The following HERC6 variants were observed in gnomAD, a reference collection of about 807,000 sequenced individuals.
HERC6 encodes probable E3 ubiquitin-protein ligase HERC6.
HERC6 carries 101 observed loss-of-function variants against 114.5 expected under a neutral mutation model. The observed-to-expected ratio is 0.88, with a 90% CI of 0.75 to 1.04. HERC6 has a LOEUF of 1.04. HERC6 is among the 50% of genes least tolerant of loss of function. The probability of loss-of-function intolerance (pLI) is 0.00; values close to 1 mark genes in which losing one functional copy is unlikely to be tolerated. For missense variants in HERC6, 1,133 were observed against 1,230.9 expected, an observed-to-expected ratio of 0.92 and a Z score of 1.19; for synonymous variants, 408 against 436.2, an observed-to-expected ratio of 0.94 and a Z score of 0.81.
chr4:88,417,280 G>T (rs1408865763), intron 12 of HERC6, 145 bp from the exon 13 acceptor site: 6 of 804,062 alleles, frequency 7.5e-6, no homozygotes, highest in Non-Finnish European at 1.2e-5. Context: ...TGTTGTGCAG[G>T]ATATACTTAA....
At chr4:88,416,530 A>G (rs565992335) in intron 12 of HERC6, among the ~76,000 whole-genome samples, 302 of 152,090 alleles carry the variant, frequency 2.0e-3, no homozygotes, top group African/African-American at 6.9e-3. Flanking sequence ...ATTTTATTCT[A>G]TGGTTTCTGG....
chr4:88,408,457 C>T, intron 10 of HERC6, 67 bp from the exon 11 acceptor site: 2 of 950,344 alleles, frequency 2.1e-6, no homozygotes, highest in Admixed American at 4.2e-5. Flanking sequence ...CAACAAATGA[C>T]ATACAAACTT....
At chr4:88,417,643 C>G in intron 13 of HERC6, 64 bp downstream of exon 13, 2 of 1,359,652 alleles carry the variant, frequency 1.5e-6, no homozygotes, top group Non-Finnish European at 2.0e-6. Flanking sequence ...TAAGTCTCAA[C>G]CAGTTGGACT....
At chr4:88,424,533 G>C in intron 14 of HERC6, 62 bp from the exon 15 acceptor site, 1 of 1,247,936 alleles carries the variant, frequency 8.0e-7, no homozygotes. Context: ...ATAAGGTAAA[G>C]GAAGTAAGTT....
Position 88,396,846 on chromosome 4 carries a change from T to G in HERC6, c.888-5T>G. ...CTTCATTATGGTGTATTCTCTTTCCTGTAGTTATCACACCCTGGCATATGT... is the reference window on the plus strand; with the variant it reads ...CTTCATTATGGTGTATTCTCTTTCCGGTAGTTATCACACCCTGGCATATGT... On this transcript the variant is annotated splice_region_variant and splice_polypyrimidine_tract_variant and intron_variant, in intron 6 of 22. Transcript: ENST00000264346. The G allele has an allele frequency of 1.9e-6, 3 of 1,565,460 alleles. No individual in the cohort carries two copies. Among genetic ancestry groups the G allele is most frequent in the Non-Finnish European group, 1.7e-6 (2 of 1,152,896 alleles).
intron 11 of HERC6, among the ~76,000 whole-genome samples, 193 bp downstream of exon 11, chr4:88,408,810 A>G (rs961338500): frequency 1.1e-4 from 17 of 152,224 alleles, no homozygotes; most frequent in Admixed American, 6.5e-4. Context: ...GAGGCTGGCC[A>G]TGCCATGTAG....
At position 88,398,187 on chromosome 4, in the gene HERC6, C is replaced by A. The variant is rs1391811991; in HGVS notation, c.1070C>A (p.Ala357Asp). The change falls in exon 8 of 23, where the codon GCC (alanine) becomes GAC (aspartate). Residue 357 changes from alanine to aspartate, a missense_variant. Around this residue, in one of 3 missense-constraint regions of HERC6, gnomAD observed 735 missense variants for 754.0 expected, o/e 0.97. Transcript: ENST00000264346. ...QVKHIFAGTY[A>D]NFVTTHQDTS... ...AAACACATTTTTGCTGGAACATATGCCAACTTTGTGACAACTCATCAGGTA... is the reference window on the plus strand; with the variant it reads ...AAACACATTTTTGCTGGAACATATGACAACTTTGTGACAACTCATCAGGTA... The A allele has an allele frequency of 9.4e-6, 15 of 1,595,128 alleles. No individual in the cohort carries two copies. Among genetic ancestry groups the A allele is most frequent in the Non-Finnish European group, 1.2e-5 (14 of 1,171,334 alleles).
chr4:88,390,964 TA>T (rs1734890748), intron 4 of HERC6, 85 bp downstream of exon 4: 1 of 1,121,068 alleles, frequency 8.9e-7, no homozygotes, highest in Non-Finnish European at 1.3e-6. Context: ...TCTTAACGCT[TA>T]AAACAGTGGT....
chr4:88,436,989 C>A lies in HERC6; in HGVS notation c.2484+18C>A. 1 of 1,548,492 alleles carries A rather than the reference C, an allele frequency of 6.5e-7. No individual in the cohort carries two copies. Among genetic ancestry groups the A allele is most frequent in the African/African-American group, 1.4e-5 (1 of 72,972 alleles). On this transcript the variant is annotated intron_variant, in intron 19 of 22. Coordinates refer to ENST00000264346, the MANE Select transcript of HERC6 (RefSeq NM_017912.4). ...GCTTTTCTGTGAGTACTAATGAAAG[C>A]CAAATTATAGTTTAGCTTTAATCTG...
At position 88,424,712 on chromosome 4, in the gene HERC6, T is replaced by G; in HGVS notation, c.1935+10T>G. 1 of 1,506,844 alleles carries G rather than the reference T, an allele frequency of 6.6e-7. No homozygotes were observed. The highest frequency in any genetic ancestry group is 1.2e-5 in the South Asian group (1 of 84,138). The allele number at this position is 1,506,844 out of a possible 1,614,324, so 93.3% of individuals were successfully genotyped here. ...ACATATAAAGATGCAGGTATGTATG[T>G]CCTATTTTTTAGTATGAAAAATTTC... On this transcript the variant is annotated intron_variant, in intron 15 of 22. Coordinates refer to ENST00000264346, the MANE Select transcript of HERC6 (RefSeq NM_017912.4).
intron 1 of HERC6, among the ~76,000 whole-genome samples, chr4:88,381,554 CTT>C (rs142058374): frequency 0.46 from 44,180 of 95,308 alleles, 7,211 homozygotes; most frequent in African/African-American, 0.54. Context: ...CCCTTCTCTT[CTT>C]TTTTTTTTTT....
intron 1 of HERC6, among the ~76,000 whole-genome samples, chr4:88,380,374 T>TATATATATTATATAA (rs1560529517): frequency 4.7e-4 from 9 of 18,992 alleles, no homozygotes; most frequent in African/African-American, 4.0e-3. Flanking sequence ...AATATATAAA[T>TATATATATTATATAA]ATATATATAT....
chr4:88,391,564 G>A (rs1052167753), intron 4 of HERC6, among the ~76,000 whole-genome samples: 2 of 152,218 alleles, frequency 1.3e-5, no homozygotes, highest in African/African-American at 4.8e-5. Context: ...GCCCAGGTCA[G>A]ACCCCATACC....
intron 8 of HERC6, among the ~76,000 whole-genome samples, chr4:88,404,543 T>C (rs180752895): frequency 1.1e-4 from 17 of 152,350 alleles, no homozygotes; most frequent in African/African-American, 3.6e-4. Context: ...ATTTAAAAAA[T>C]CTATTCATCT....
chr4:88,396,632 A>G (rs921942077), intron 6 of HERC6, among the ~76,000 whole-genome samples: 2 of 152,206 alleles, frequency 1.3e-5, no homozygotes, highest in Non-Finnish European at 2.9e-5. Context: ...TATCAATAAC[A>G]TTCTGTTTTT....
chr4:88,396,049 C>A lies in HERC6; in HGVS notation c.794C>A (p.Ser265Tyr), dbSNP rs1735212775. 1 of 1,606,528 alleles carries A rather than the reference C, an allele frequency of 6.2e-7. No homozygotes were observed. Residue 265 changes from serine (S) to tyrosine (Y), a missense_variant, in exon 6 of 23, where the codon TCT becomes TAT. Ser to Tyr is a moderately radical substitution (Grantham distance 144). This residue lies in a region of HERC6 where 735 missense variants were observed against 754.0 expected (regional missense o/e 0.97). Coordinates refer to ENST00000264346, the MANE Select transcript of HERC6 (RefSeq NM_017912.4). Reference sequence around the variant, plus strand: ...GTGTTCACATTTGGAGACAATCGCTCTGGACAGCTGGGATACAGCCCCACT... The same window carrying A: ...GTGTTCACATTTGGAGACAATCGCTATGGACAGCTGGGATACAGCCCCACT... ...GKVFTFGDNR[S>Y]GQLGYSPTPE...
At position 88,428,666 on chromosome 4, in the gene HERC6, T is replaced by TA. The variant is rs138221647; in HGVS notation, c.2023dup (p.Arg675LysfsTer9). On this transcript the variant is annotated frameshift_variant, in exon 16 of 23. Coordinates refer to ENST00000264346, the MANE Select transcript of HERC6 (RefSeq NM_017912.4). LOFTEE classifies it high-confidence loss of function. ...TTCCTCCATCACCCAGATTTATACT[T>TA]AGAGTCAGACGAAGTCGCCTGGTTA... The TA allele has an allele frequency of 1.6e-3, 2,511 of 1,606,942 alleles. 30 individuals are homozygous for TA. In the African/African-American group the frequency reaches 0.03, roughly 19 times the overall value.
chr4:88,431,063 T>C (rs573513904), intron 16 of HERC6, 99 bp from the exon 17 acceptor site: 76 of 1,048,944 alleles, frequency 7.2e-5, no homozygotes, highest in East Asian at 5.0e-4. Context: ...CTAATAATTC[T>C]AGAGACTGCA....
intron 2 of HERC6, 80 bp downstream of exon 2, chr4:88,383,460 C>T (rs1734421103): frequency 8.6e-7 from 1 of 1,159,816 alleles, no homozygotes; most frequent in Admixed American, 3.6e-5. Flanking sequence ...TGCCAGGATA[C>T]AAAGACGACT....
Sources: allele counts gnomAD v4.1 joint callset (sites outside exome capture counted in the v4.1 genomes callset), GRCh38; gene constraint gnomAD v4.1.1; regional missense constraint gnomAD v4.1.1; transcripts MANE v1.5; gene names NCBI Gene and HGNC (gene_info 2026-07-23, HGNC 2026-07-21).